Variants in PLAC1 observed in about 807,000 individuals in gnomAD.
PLAC1 encodes the protein placenta-specific protein 1.
For synonymous variants in PLAC1, 68 were observed against 62.1 expected (o/e 1.09, Z -0.44); for missense variants, 136 against 163.2 (o/e 0.83, Z 0.91).
At chrX:134,687,444 T>C (rs1207637347) in intron 2 of PLAC1, among the ~76,000 whole-genome samples, 1 of 110,570 alleles carries the variant, frequency 9.0e-6, no homozygotes, top group Non-Finnish European at 1.9e-5. Flanking sequence ...ATTTTATATG[T>C]GGCTCAAGAC....
intron 1 of PLAC1, among the ~76,000 whole-genome samples, chrX:134,613,657 T>C (rs188946234): frequency 2.5e-3 from 277 of 111,453 alleles, no homozygotes; most frequent in African/African-American, 8.5e-3. Context: ...AGACCAAAAA[T>C]GGACTTGCTC....
At chrX:134,759,684 G>A (rs1343234294) in intron 1 of PLAC1, among the ~76,000 whole-genome samples, 1 of 111,950 alleles carries the variant, frequency 8.9e-6, no homozygotes, top group Non-Finnish European at 1.9e-5. Flanking sequence ...ATCAACAGAT[G>A]AATGGATAAA....
chrX:134,737,057 C>T (rs1027181386), intron 1 of PLAC1, among the ~76,000 whole-genome samples: 5 of 112,253 alleles, frequency 4.5e-5, no homozygotes, highest in African/African-American at 1.3e-4. Flanking sequence ...TCTAGCAGCC[C>T]GGTGACCTAT....
chrX:134,752,000 C>G (rs2078745985), intron 1 of PLAC1, among the ~76,000 whole-genome samples: 1 of 112,081 alleles, frequency 8.9e-6, no homozygotes, highest in African/African-American at 3.2e-5. Flanking sequence ...GCAAAACTGT[C>G]AGGGCCAACT....
At chrX:134,685,466 T>G (rs2078513695) in intron 2 of PLAC1, among the ~76,000 whole-genome samples, 1 of 96,787 alleles carries the variant, frequency 1.0e-5, no homozygotes. Flanking sequence ...TTTTTTTTTT[T>G]TTTTTTTTGG....
intron 2 of PLAC1, among the ~76,000 whole-genome samples, chrX:134,707,301 A>G (rs749715552): frequency 1.8e-5 from 2 of 112,710 alleles, no homozygotes; most frequent in Non-Finnish European, 3.8e-5. Context: ...ATCACTTGCA[A>G]ACTAACATTT....
intron 2 of PLAC1, among the ~76,000 whole-genome samples, chrX:134,588,956 A>G (rs1324166898): frequency 2.7e-5 from 3 of 111,403 alleles, no homozygotes; most frequent in Admixed American, 9.5e-5. Flanking sequence ...CTGGCACTAA[A>G]TCATGGTATG....
upstream of PLAC1, among the ~76,000 whole-genome samples, chrX:134,662,486 A>G (rs1168954545): frequency 1.8e-5 from 2 of 112,667 alleles, no homozygotes; most frequent in Non-Finnish European, 3.7e-5. Flanking sequence ...AGCAAATGCT[A>G]CAAAGCAGTG....
chrX:134,747,326 C>A (rs908445058), intron 1 of PLAC1, among the ~76,000 whole-genome samples: 5 of 110,072 alleles, frequency 4.5e-5, no homozygotes, highest in African/African-American at 1.7e-4. Flanking sequence ...GTTTGTGTGG[C>A]AGCTTGCATT....
At chrX:134,612,355 C>T (rs936998251) in intron 1 of PLAC1, among the ~76,000 whole-genome samples, 4 of 112,094 alleles carry the variant, frequency 3.6e-5, no homozygotes, top group African/African-American at 9.7e-5. Flanking sequence ...GTATGTAAAG[C>T]GTTTAGCACA....
At chrX:134,640,277 T>C (rs1267219410) in intron 1 of PLAC1, among the ~76,000 whole-genome samples, 2 of 111,938 alleles carry the variant, frequency 1.8e-5, no homozygotes, top group African/African-American at 3.3e-5. Context: ...TTTTGTCCCA[T>C]GACTTTGGGA....
At chrX:134,577,743 A>C (rs2077947612) in intron 2 of PLAC1, among the ~76,000 whole-genome samples, 1 of 90,600 alleles carries the variant, frequency 1.1e-5, no homozygotes, top group African/African-American at 4.5e-5. Context: ...TCATGTGTGC[A>C]TGCATGCGTG....
intron 2 of PLAC1, among the ~76,000 whole-genome samples, chrX:134,599,809 A>C (rs958817589): frequency 9.0e-6 from 1 of 111,145 alleles, no homozygotes; most frequent in African/African-American, 3.3e-5. Context: ...CTAGCCCTTC[A>C]CTCTGGGGAG....
intron 2 of PLAC1, among the ~76,000 whole-genome samples, chrX:134,684,587 G>T (rs755275760): frequency 1.8e-5 from 2 of 110,806 alleles, no homozygotes; most frequent in African/African-American, 6.6e-5. Flanking sequence ...TTTCTTGCTA[G>T]GCCACTTCAT....
chrX:134,602,970 A>G (rs1227730990), intron 1 of PLAC1, among the ~76,000 whole-genome samples: 2 of 107,747 alleles, frequency 1.9e-5, no homozygotes, highest in Non-Finnish European at 3.8e-5. Context: ...TTAAAAAGTG[A>G]ATTTTTAAAA....
At chrX:134,693,581 G>A (rs1427702535) in intron 2 of PLAC1, among the ~76,000 whole-genome samples, 3 of 111,691 alleles carry the variant, frequency 2.7e-5, no homozygotes, top group African/African-American at 6.5e-5. Context: ...GGTGAAGCTC[G>A]CCTTCGCATA....
chrX:134,586,838 T>TG (rs1400424744), intron 2 of PLAC1, among the ~76,000 whole-genome samples: 9 of 79,641 alleles, frequency 1.1e-4, no homozygotes, highest in Non-Finnish European at 1.7e-4. Flanking sequence ...GCCCAGCTAA[T>TG]TTGTGTGTGT....
intron 1 of PLAC1, among the ~76,000 whole-genome samples, chrX:134,614,497 T>C (rs1429881832): frequency 9.0e-6 from 1 of 111,245 alleles, no homozygotes; most frequent in Non-Finnish European, 1.9e-5. Context: ...CTGTGCCTGG[T>C]TTATTTCACT....
In PLAC1 at chrX:134,694,161, T is replaced by A. The variant is rs1199412723; in HGVS notation, n.174+39274A>T. Among the ~76,000 whole-genome samples, 4 of 111,255 alleles carry A rather than the reference T, an allele frequency of 3.6e-5. No homozygotes were observed. In the Admixed American group the frequency reaches 3.8e-4, roughly 11 times the overall value. On this transcript the variant is annotated intron_variant and non_coding_transcript_variant, in intron 2 of 2. Coordinates refer to the PLAC1 transcript ENST00000466797. ...AACTGGTGTGAAAACTCTGTGTGAG[T>A]AGAGCCTGTGTCTAAACTTCTTTGT...
Sources: allele counts gnomAD v4.1 joint callset (sites outside exome capture counted in the v4.1 genomes callset), GRCh38; gene constraint gnomAD v4.1.1; transcripts MANE v1.5; gene names NCBI Gene and HGNC (gene_info 2026-07-23, HGNC 2026-07-21).